Variants in CTNNA3 observed in about 807,000 individuals in gnomAD.
CTNNA3 encodes the protein catenin alpha 3, also known as catenin alpha-3.
A neutral mutation model predicts 95.7 loss-of-function variants in CTNNA3; 76 were observed. The observed-to-expected ratio is 0.79, with a 90% CI of 0.66 to 0.96. CTNNA3 has a LOEUF of 0.96. CTNNA3 is among the 40% of genes least tolerant of loss of function. The probability of loss-of-function intolerance (pLI) is 0.00; values close to 1 mark genes in which losing one functional copy is unlikely to be tolerated. For missense variants in CTNNA3, 1,191 were observed against 1,089.8 expected (o/e 1.09, Z -1.31); for synonymous variants, 431 against 374.4 (o/e 1.15, Z -1.74).
At chr10:67,442,034 T>C (rs1020708215) in intron 5 of CTNNA3, among the ~76,000 whole-genome samples, 1 of 152,136 alleles carries the variant, frequency 6.6e-6, no homozygotes, top group Non-Finnish European at 1.5e-5. Context: ...AGCAGTGCAA[T>C]AAGACCTAAG....
intron 14 of CTNNA3, among the ~76,000 whole-genome samples, chr10:66,082,810 T>C (rs1448558043): frequency 6.6e-6 from 1 of 152,216 alleles, no homozygotes; most frequent in African/African-American, 2.4e-5. Context: ...TCATGGTGGC[T>C]ACCATTTTCA....
intron 13 of CTNNA3, among the ~76,000 whole-genome samples, chr10:66,124,174 T>A (rs748634417): frequency 6.6e-6 from 1 of 152,018 alleles, no homozygotes; most frequent in Admixed American, 6.5e-5. Context: ...AAGTCACATC[T>A]TGAATGCTTT....
intron 5 of CTNNA3, among the ~76,000 whole-genome samples, chr10:67,261,561 T>G (rs78339237): frequency 6.6e-6 from 1 of 152,142 alleles, no homozygotes; most frequent in Non-Finnish European, 1.5e-5. Context: ...AGAGGTATGC[T>G]TTCTCATTAA....
At chr10:66,363,504 A>G (rs571186367) in intron 12 of CTNNA3, among the ~76,000 whole-genome samples, 1 of 152,292 alleles carries the variant, frequency 6.6e-6, no homozygotes, top group African/African-American at 2.4e-5. Context: ...TGATGCTGGC[A>G]CCCTGATTTG....
intron 9 of CTNNA3, among the ~76,000 whole-genome samples, chr10:66,693,068 A>C (rs973119482): frequency 6.6e-6 from 1 of 152,306 alleles, no homozygotes; most frequent in South Asian, 2.1e-4. Context: ...CGAGCAAAAT[A>C]ACCAGCTAAC....
intron 1 of CTNNA3, among the ~76,000 whole-genome samples, chr10:67,719,533 A>T (rs916252415): frequency 4.6e-5 from 7 of 152,092 alleles, no homozygotes; most frequent in African/African-American, 1.4e-4. Context: ...GAACTTATTG[A>T]TTTCTGCCTT....
intron 1 of CTNNA3, among the ~76,000 whole-genome samples, chr10:67,670,150 C>T (rs1361156372): frequency 6.6e-6 from 1 of 152,182 alleles, no homozygotes; most frequent in African/African-American, 2.4e-5. Flanking sequence ...TTGTGCCAAC[C>T]TGCTTCATTC....
intron 9 of CTNNA3, among the ~76,000 whole-genome samples, chr10:66,680,972 G>A (rs1341617630): frequency 3.3e-5 from 5 of 152,086 alleles, no homozygotes; most frequent in Non-Finnish European, 7.4e-5. Flanking sequence ...CAACTCTTGG[G>A]GACTGAGATC....
At chr10:67,749,186 G>C (rs1465516626) in intron 1 of CTNNA3, among the ~76,000 whole-genome samples, 2 of 152,058 alleles carry the variant, frequency 1.3e-5, no homozygotes, top group Admixed American at 1.3e-4. Flanking sequence ...CCTACAAAGA[G>C]ACTAAGACTA....
intron 6 of CTNNA3, among the ~76,000 whole-genome samples, chr10:67,218,777 C>T (rs1327688820): frequency 2.0e-5 from 3 of 152,192 alleles, no homozygotes; most frequent in Non-Finnish European, 4.4e-5. Context: ...TAAATGGAAC[C>T]TGGGTTACTA....
At chr10:66,860,218 A>T (rs1221526295) in intron 7 of CTNNA3, among the ~76,000 whole-genome samples, 1 of 152,148 alleles carries the variant, frequency 6.6e-6, no homozygotes, top group African/African-American at 2.4e-5. Context: ...GATAATCTAA[A>T]AGAATTGACT....
chr10:66,739,338 G>A (rs928992058), intron 9 of CTNNA3, among the ~76,000 whole-genome samples: 1 of 152,124 alleles, frequency 6.6e-6, no homozygotes, highest in Non-Finnish European at 1.5e-5. Flanking sequence ...TTTCCAACAA[G>A]TCCCAGGTGA....
In CTNNA3 at chr10:66,619,669, A is replaced by G. The variant is rs547093196; in HGVS notation, c.1374+2023T>C. 7.7e-4 allele frequency among the ~76,000 whole-genome samples: 116 copies of G among 150,730 alleles called. 1 individual carries two copies. Among genetic ancestry groups the G allele is most frequent in the African/African-American group, 2.7e-3 (111 of 41,184 alleles). On this transcript the variant is annotated intron_variant, in intron 10 of 17. Coordinates refer to ENST00000433211, the MANE Select transcript of CTNNA3 (RefSeq NM_013266.4). ...ATGGCACATTTATACATATGTAACT[A>G]ACCTGCACATTGTGCACATGTACCC...
At chr10:66,107,273 C>A (rs990679374) in intron 13 of CTNNA3, among the ~76,000 whole-genome samples, 3 of 152,128 alleles carry the variant, frequency 2.0e-5, no homozygotes, top group Admixed American at 1.3e-4. Context: ...TTACCTCTGG[C>A]TTATTATGGT....
intron 9 of CTNNA3, among the ~76,000 whole-genome samples, chr10:66,737,728 T>C (rs1384450813): frequency 6.6e-6 from 1 of 151,938 alleles, no homozygotes; most frequent in African/African-American, 2.4e-5. Context: ...GGTGTGATCA[T>C]GGCTCACCGC....
chr10:66,375,613 C>T (rs1158771908), intron 12 of CTNNA3, among the ~76,000 whole-genome samples: 2 of 150,066 alleles, frequency 1.3e-5, no homozygotes, highest in African/African-American at 2.5e-5. Context: ...ATGTTTTAAT[C>T]AAGCTACAAA....
chr10:67,242,820 A>G (rs1865766214), intron 5 of CTNNA3, among the ~76,000 whole-genome samples: 1 of 152,360 alleles, frequency 6.6e-6, no homozygotes, highest in South Asian at 2.1e-4. Context: ...AAATAGCATA[A>G]GCTTTGAGGT....
intron 5 of CTNNA3, among the ~76,000 whole-genome samples, chr10:67,240,028 A>T (rs1865658218): frequency 6.6e-6 from 1 of 152,190 alleles, no homozygotes; most frequent in African/African-American, 2.4e-5. Context: ...ACGAAGCTAC[A>T]TTCCTGCCCA....
At chr10:66,178,538 A>T (rs1330375037) in intron 13 of CTNNA3, among the ~76,000 whole-genome samples, 1 of 150,100 alleles carries the variant, frequency 6.7e-6, no homozygotes, top group Non-Finnish European at 1.5e-5. Flanking sequence ...GCAGAAATAT[A>T]TACCATAAAA....
Sources: allele counts gnomAD v4.1 joint callset (sites outside exome capture counted in the v4.1 genomes callset), GRCh38; gene constraint gnomAD v4.1.1; transcripts MANE v1.5; gene names NCBI Gene and HGNC (gene_info 2026-07-23, HGNC 2026-07-21).